The following SPAG16 variants were observed in gnomAD, a reference collection of about 807,000 sequenced individuals.
SPAG16 encodes sperm associated antigen 16.
A neutral mutation model predicts 80.4 loss-of-function variants in SPAG16; 86 were observed. The observed-to-expected ratio is 1.07, with a 90% CI of 0.90 to 1.28. The LOEUF (loss-of-function observed/expected upper bound fraction) is 1.28, where lower values mean the gene tolerates loss of function less well. SPAG16 is among the 50% of genes most tolerant of loss of function. The pLI, the probability that SPAG16 is intolerant of heterozygous loss-of-function variation, is 0.00. For missense variants in SPAG16, 870 were observed against 765.3 expected (o/e 1.14, Z -1.61); for synonymous variants, 294 against 265.9 (o/e 1.11, Z -1.03).
chr2:213,866,455 ATTATAC>A (rs1270681592), intron 11 of SPAG16, among the ~76,000 whole-genome samples: 11 of 152,290 alleles, frequency 7.2e-5, no homozygotes, highest in South Asian at 6.2e-4. Flanking sequence ...CATATAATAA[ATTATAC>A]TTATAGATAT....
At chr2:214,031,634 A>AT (rs1428277842) in intron 13 of SPAG16, among the ~76,000 whole-genome samples, 1 of 150,522 alleles carries the variant, frequency 6.6e-6, no homozygotes, top group Non-Finnish European at 1.5e-5. Context: ...ACATGAAAAA[A>AT]AAAAGAAAAA....
intron 10 of SPAG16, among the ~76,000 whole-genome samples, chr2:213,535,528 T>C (rs1307608579): frequency 6.6e-6 from 1 of 152,142 alleles, no homozygotes; most frequent in Admixed American, 6.5e-5. Flanking sequence ...AACAAACTTT[T>C]TTGTAATTTC....
intron 15 of SPAG16, among the ~76,000 whole-genome samples, chr2:214,378,577 A>ATAAT (rs1430272393): frequency 1.3e-5 from 2 of 152,172 alleles, no homozygotes; most frequent in Non-Finnish European, 2.9e-5. Flanking sequence ...CCACCTTCTC[A>ATAAT]TAATTATCTA....
chr2:214,195,185 A>G (rs1219059241), intron 15 of SPAG16, among the ~76,000 whole-genome samples: 2 of 151,982 alleles, frequency 1.3e-5, no homozygotes, highest in African/African-American at 2.4e-5. Context: ...AATGATGTGT[A>G]TAAAAGCCCT....
intron 14 of SPAG16, among the ~76,000 whole-genome samples, chr2:214,125,699 G>A (rs2054440001): frequency 6.6e-6 from 1 of 151,678 alleles, no homozygotes; most frequent in African/African-American, 2.4e-5. Flanking sequence ...ATGAAGTACA[G>A]GAAGAAAGAT....
intron 9 of SPAG16, among the ~76,000 whole-genome samples, chr2:213,475,088 C>A (rs1219236109): frequency 2.0e-5 from 3 of 152,166 alleles, no homozygotes; most frequent in Non-Finnish European, 4.4e-5. Context: ...AATTTCTCTG[C>A]CACTTGCAGG....
At chr2:213,537,412 A>G (rs980933652) in intron 10 of SPAG16, among the ~76,000 whole-genome samples, 1 of 152,128 alleles carries the variant, frequency 6.6e-6, no homozygotes, top group Non-Finnish European at 1.5e-5. Context: ...AATAATTACT[A>G]GATGGTATTT....
At chr2:213,884,723 T>G (rs2076488236) in intron 11 of SPAG16, among the ~76,000 whole-genome samples, 2 of 152,216 alleles carry the variant, frequency 1.3e-5, no homozygotes, top group African/African-American at 4.8e-5. Context: ...CTTACTGTGT[T>G]GATTTGAAAA....
chr2:214,162,645 G>A, intron 15 of SPAG16, among the ~76,000 whole-genome samples: 1 of 152,006 alleles, frequency 6.6e-6, no homozygotes, highest in East Asian at 1.9e-4. Flanking sequence ...ATCATTTTCT[G>A]AATTTTCCTT....
intron 14 of SPAG16, among the ~76,000 whole-genome samples, chr2:214,116,322 G>A (rs1248312439): frequency 6.6e-6 from 1 of 152,220 alleles, no homozygotes; most frequent in Non-Finnish European, 1.5e-5. Flanking sequence ...CAAGGATACA[G>A]AAGGAGACTT....
At chr2:213,724,458 C>T (rs1352050415) in intron 10 of SPAG16, among the ~76,000 whole-genome samples, 1 of 151,886 alleles carries the variant, frequency 6.6e-6, no homozygotes, top group African/African-American at 2.4e-5. Flanking sequence ...CATGTATTTC[C>T]AGAGTAGGTC....
At chr2:213,920,162 G>A (rs1246653325) in intron 11 of SPAG16, among the ~76,000 whole-genome samples, 1 of 147,960 alleles carries the variant, frequency 6.8e-6, no homozygotes, top group Non-Finnish European at 1.5e-5. Context: ...TTTTATTTTT[G>A]AGCCTCTGAG....
chr2:213,844,121 A>G (rs2074495494), intron 10 of SPAG16, among the ~76,000 whole-genome samples: 1 of 152,206 alleles, frequency 6.6e-6, no homozygotes, highest in South Asian at 2.1e-4. Context: ...GTCAGAGGAC[A>G]GAGGGTTAGA....
At chr2:213,929,932 A>C in intron 11 of SPAG16, 28 bp from the exon 12 acceptor site, 1 of 1,593,214 alleles carries the variant, frequency 6.3e-7, no homozygotes, top group Non-Finnish European at 8.6e-7. Flanking sequence ...TTTTTAAACA[A>C]GCTGTCTTTT....
At chr2:213,537,901 C>G (rs1363664950) in intron 10 of SPAG16, among the ~76,000 whole-genome samples, 1 of 152,170 alleles carries the variant, frequency 6.6e-6, no homozygotes, top group Non-Finnish European at 1.5e-5. Context: ...CTCAAGCTTA[C>G]TCTTATTTCC....
At chr2:214,312,389 T>G (rs539050493) in intron 15 of SPAG16, among the ~76,000 whole-genome samples, 2 of 152,328 alleles carry the variant, frequency 1.3e-5, no homozygotes, top group East Asian at 3.9e-4. Flanking sequence ...ATTATATCCT[T>G]TTTATCATTT....
At chr2:213,457,184 T>A (rs1224614480) in intron 9 of SPAG16, among the ~76,000 whole-genome samples, 1 of 152,200 alleles carries the variant, frequency 6.6e-6, no homozygotes, top group Non-Finnish European at 1.5e-5. Context: ...GGAAATTGTT[T>A]CCCTATTTGA....
At chr2:213,464,242 G>A (rs1026975723) in intron 9 of SPAG16, among the ~76,000 whole-genome samples, 2 of 152,226 alleles carry the variant, frequency 1.3e-5, no homozygotes. Context: ...CTTCAAAGGG[G>A]TGTTTCTAAA....
chr2:213,477,950 G>T (rs1463640866), intron 9 of SPAG16, among the ~76,000 whole-genome samples: 1 of 152,128 alleles, frequency 6.6e-6, no homozygotes, highest in African/African-American at 2.4e-5. Context: ...GGGTAAAAGA[G>T]GTGGAGATAA....
Sources: gnomAD v4.1 joint callset for allele counts (sites outside exome capture counted in the v4.1 genomes callset) on GRCh38, gnomAD v4.1.1 for gene constraint, MANE v1.5 for transcripts, NCBI Gene and HGNC (gene_info 2026-07-23, HGNC 2026-07-21) for gene names.